The following LONRF3 variants were observed in gnomAD, a reference collection of about 807,000 sequenced individuals.
LONRF3 encodes LON peptidase N-terminal domain and RING finger protein 3.
LONRF3 carries 19 observed loss-of-function variants against 51.7 expected under a neutral mutation model. That is an observed-to-expected ratio of 0.37 (90% CI 0.26 to 0.54). The LOEUF (loss-of-function observed/expected upper bound fraction) is 0.54. Ranked by LOEUF, LONRF3 falls within the 20% of genes least tolerant of loss-of-function variation. The pLI is 0.86. For missense variants in LONRF3, 521 were observed against 623.9 expected (o/e 0.84, Z 1.76); for synonymous variants, 265 against 257.8 (o/e 1.03, Z -0.27).
At chrX:119,012,803 T>G (rs1925197926) in intron 8 of LONRF3, 2 of 838,326 alleles carry the variant, frequency 2.4e-6, no homozygotes, top group Non-Finnish European at 3.3e-6. Flanking sequence ...ACCATAGCAC[T>G]GGCACAGCAC....
intron 3 of LONRF3, among the ~76,000 whole-genome samples, chrX:118,987,445 GTTTTTTTTTTTTT>G (rs369180848): frequency 3.7e-4 from 12 of 32,304 alleles, no homozygotes; most frequent in African/African-American, 1.1e-3. Context: ...GCCTGGCTAA[GTTTTTTTTTTTTT>G]TTTTTTTTTT....
At chrX:118,994,167 A>G (rs1158283916) in intron 5 of LONRF3, among the ~76,000 whole-genome samples, 2 of 111,939 alleles carry the variant, frequency 1.8e-5, no homozygotes, top group East Asian at 2.8e-4. Flanking sequence ...AGCACAATGA[A>G]TGCTACGGTA....
intron 8 of LONRF3, 165 bp from the exon 9 acceptor site, chrX:119,012,874 A>G: frequency 8.4e-7 from 1 of 1,190,810 alleles, no homozygotes; most frequent in Admixed American, 2.3e-5. Context: ...TTTTTTCTTC[A>G]CACAGGCACT....
chrX:118,981,330 C>T (rs987799790), intron 2 of LONRF3, among the ~76,000 whole-genome samples: 1 of 109,574 alleles, frequency 9.1e-6, no homozygotes, highest in Non-Finnish European at 1.9e-5. Context: ...ACTAAAAATA[C>T]AAAACTTAGC....
intron 6 of LONRF3, among the ~76,000 whole-genome samples, chrX:119,007,422 G>A (rs1435036547): frequency 8.9e-6 from 1 of 112,043 alleles, no homozygotes; most frequent in Non-Finnish European, 1.9e-5. Context: ...GGACTTCCAG[G>A]TTCTCTAAAA....
intron 5 of LONRF3, among the ~76,000 whole-genome samples, chrX:119,004,590 C>T (rs1468731176): frequency 8.9e-6 from 1 of 112,308 alleles, no homozygotes; most frequent in African/African-American, 3.2e-5. Context: ...ACTGGGCCTA[C>T]TGATCTGAAT....
At chrX:118,986,051 AACACACACACACACACACACACACAC>A (rs35356301) in intron 3 of LONRF3, among the ~76,000 whole-genome samples, 1 of 83,859 alleles carries the variant, frequency 1.2e-5, no homozygotes, top group Non-Finnish European at 2.3e-5. Context: ...AGTATATGGA[AACACACACACACACACACACACACAC>A]ACACACACAC....
rs1447764691 is a variant in LONRF3, at chrX:118,975,661, CA to C, written c.817+67del. The C allele has an allele frequency of 3.5e-6, 3 of 850,327 alleles. No individual in the cohort carries two copies. In the East Asian group the frequency reaches 1.5e-4, roughly 43 times the overall value. The allele number at this position is 850,327 out of a possible 1,213,427, so 70.1% of individuals were successfully genotyped here. A position where few individuals can be genotyped will look rare whatever the true frequency, so the allele number is the denominator to read the frequency against. On this transcript the variant is annotated intron_variant, in intron 1 of 10. Coordinates refer to ENST00000371628, the MANE Select transcript of LONRF3 (RefSeq NM_001031855.3). ...GTGGCTACATGAGGGAGCGGGAGAA[CA>C]AACCCCGCAGCGAGAAGGGATTTGG... is the stretch of plus-strand genomic sequence containing the variant.
chrX:119,006,949 C>A (rs1924777350), intron 6 of LONRF3, among the ~76,000 whole-genome samples: 1 of 109,973 alleles, frequency 9.1e-6, no homozygotes, highest in African/African-American at 3.3e-5. Context: ...GTCTCGAACT[C>A]CTGACCTCAG....
At chrX:118,994,299 C>T (rs1174332237) in intron 5 of LONRF3, among the ~76,000 whole-genome samples, 1 of 111,440 alleles carries the variant, frequency 9.0e-6, no homozygotes, top group African/African-American at 3.3e-5. Flanking sequence ...ACTCACCTAA[C>T]ACATAAAGAC....
rs1434366403 is a variant in LONRF3, at chrX:118,974,898, A to G, written c.118A>G (p.Lys40Glu). The G allele has an allele frequency of 1.8e-5, 21 of 1,197,045 alleles. No homozygotes were observed. Among genetic ancestry groups the G allele is most frequent in the Non-Finnish European group, 2.4e-5 (21 of 888,437 alleles). The change falls in exon 1 of 11, where the codon AAG (lysine) becomes GAG (glutamate). Residue 40 changes from lysine to glutamate, a missense_variant. Lys to Glu is a moderately conservative substitution (Grantham distance 56). Coordinates refer to ENST00000371628, the MANE Select transcript of LONRF3 (RefSeq NM_001031855.3). ...AAQVDMGPHP[K>E]VAAEGPAPLP... ...CCAAGTAGACATGGGCCCCCACCCA[A>G]AGGTGGCTGCAGAGGGCCCCGCACC...
Position 118,978,394 on chromosome X carries a change from C to G in LONRF3, c.867C>G (p.Thr289=), listed in dbSNP as rs1278930574. 2 of 1,208,935 alleles carry G rather than the reference C, an allele frequency of 1.7e-6. No individual in the cohort carries two copies. The highest frequency in any genetic ancestry group is 1.8e-5 in the South Asian group (1 of 56,872). Residue 289 remains threonine (T), a synonymous_variant, in exon 2 of 11, where the codon ACC becomes ACG. Coordinates refer to ENST00000371628, the MANE Select transcript of LONRF3 (RefSeq NM_001031855.3). ...GCAATCGGTCTCAGATTTATTTCAC[C>G]TTGGAGTCTCATGAGAATGCACTGC... ...LYSNRSQIYF[T]LESHENALHD...
chrX:118,994,886 T>C, intron 5 of LONRF3, among the ~76,000 whole-genome samples: 1 of 111,907 alleles, frequency 8.9e-6, no homozygotes, highest in South Asian at 3.7e-4. Flanking sequence ...AACACAATAA[T>C]AGTGAGGGAC....
intron 5 of LONRF3, among the ~76,000 whole-genome samples, chrX:118,992,585 AC>A (rs1923509085): frequency 1.8e-5 from 2 of 110,308 alleles, no homozygotes. Context: ...TTCCCTACCA[AC>A]CCTGGTAGTG....
chrX:118,982,685 G>A (rs772432048), intron 2 of LONRF3, 136 bp from the exon 3 acceptor site: 594 of 827,909 alleles, frequency 7.2e-4, no homozygotes, highest in Non-Finnish European at 9.6e-4. Context: ...ACAGTTGCCC[G>A]CATTTTAGGG....
Position 118,974,688 on chromosome X carries a change from C to T in LONRF3, c.-93C>T. ...CAGGGTCAGGAGCTCGGTGGCATGG[C>T]GGCGGTGGCTGCCCCGATTTCCTCC... is the stretch of plus-strand genomic sequence containing the variant. On this transcript the variant is annotated 5_prime_UTR_variant, in exon 1 of 11. Coordinates refer to ENST00000371628, the MANE Select transcript of LONRF3 (RefSeq NM_001031855.3). 2.5e-6 allele frequency: 2 copies of T among 807,990 alleles called. No individual in the cohort carries two copies. The highest frequency in any genetic ancestry group is 1.7e-6 in the Non-Finnish European group (1 of 577,915). 66.6% of individuals were successfully genotyped at this position (807,990 alleles called of 1,213,427 possible).
intron 1 of LONRF3, 67 bp downstream of exon 1, chrX:118,975,664 A>C (rs1603244458): frequency 5.6e-6 from 4 of 712,513 alleles, no homozygotes; most frequent in African/African-American, 3.1e-5. Flanking sequence ...GGGAGAACAA[A>C]CCCCGCAGCG....
intron 5 of LONRF3, among the ~76,000 whole-genome samples, chrX:118,998,502 T>C (rs1300113562): frequency 3.6e-5 from 4 of 110,332 alleles, no homozygotes; most frequent in Admixed American, 9.6e-5. Context: ...ACAAATACGG[T>C]GCAGTGTATA....
chrX:118,978,281 C>T (rs1922244451), intron 1 of LONRF3, 64 bp from the exon 2 acceptor site: 1 of 691,633 alleles, frequency 1.4e-6, no homozygotes, highest in East Asian at 3.2e-5. Context: ...CATACTCATA[C>T]AGGACTTAAC....
Sources: gnomAD v4.1 joint callset for allele counts (sites outside exome capture counted in the v4.1 genomes callset) on GRCh38, gnomAD v4.1.1 for gene constraint, MANE v1.5 for transcripts, NCBI Gene and HGNC (gene_info 2026-07-23, HGNC 2026-07-21) for gene names.